DMD: variants seen among roughly 807,000 people sequenced by gnomAD.
The protein encoded by DMD is mutant dystrophin.
Under a neutral mutation model 330.1 loss-of-function variants are expected in DMD, and 63 were observed. The ratio of observed to expected loss-of-function variants is 0.19; its 90% CI spans 0.16 to 0.24. The LOEUF (loss-of-function observed/expected upper bound fraction) is 0.24. DMD is among the 10% of genes least tolerant of loss of function. The probability of loss-of-function intolerance (pLI) is 1.00; values close to 1 mark genes in which losing one functional copy is unlikely to be tolerated. For missense variants in DMD, 3,344 were observed against 2,684.1 expected (o/e 1.25, Z -5.43); for synonymous variants, 1,223 against 959.8 (o/e 1.27, Z -5.07).
At chrX:32,520,267 C>A (rs935424874) in intron 17 of DMD, among the ~76,000 whole-genome samples, 1 of 111,990 alleles carries the variant, frequency 8.9e-6, no homozygotes, top group South Asian at 3.7e-4. Context: ...CTGTAAAAAT[C>A]TTTCACACTC....
At chrX:33,066,480 A>AG (rs1270365106) in intron 1 of DMD, among the ~76,000 whole-genome samples, 20 of 80,005 alleles carry the variant, frequency 2.5e-4, no homozygotes, top group African/African-American at 1.2e-3. Flanking sequence ...AAGGAAGGAA[A>AG]AAGAAAAGAA....
chrX:33,314,439 G>A (rs1454926878), intron 1 of DMD, among the ~76,000 whole-genome samples: 1 of 107,875 alleles, frequency 9.3e-6, no homozygotes, highest in Non-Finnish European at 1.9e-5. Context: ...TGTATTTTTA[G>A]TAGAGATGGG....
chrX:32,961,588 T>A (rs767816590), intron 2 of DMD, among the ~76,000 whole-genome samples: 40 of 111,684 alleles, frequency 3.6e-4, no homozygotes, highest in Non-Finnish European at 6.8e-4. Context: ...GTTTTTTCAA[T>A]CACCTGTATA....
At chrX:31,138,686 A>AGGGAGAGAGAGGGAGAGAGAGTGT (rs3082164) in intron 76 of DMD, among the ~76,000 whole-genome samples, 3 of 87,470 alleles carry the variant, frequency 3.4e-5, no homozygotes, top group East Asian at 3.9e-4. Context: ...AGAGAGAGAG[A>AGGGAGAGAGAGGGAGAGAGAGTGT]GAAGGGGGAA....
intron 45 of DMD, among the ~76,000 whole-genome samples, chrX:31,955,527 C>T (rs1411363599): frequency 1.8e-5 from 2 of 111,976 alleles, no homozygotes; most frequent in Admixed American, 1.9e-4. Context: ...AAGAATGCTG[C>T]CATGCTTTGC....
At chrX:31,762,086 G>GGTT (rs2089638651) in intron 51 of DMD, among the ~76,000 whole-genome samples, 1 of 112,421 alleles carries the variant, frequency 8.9e-6, no homozygotes, top group South Asian at 3.6e-4. Context: ...ATGGTCACGT[G>GGTT]ACACATTTCT....
chrX:32,885,838 A>AAC (rs1252469395), intron 2 of DMD, among the ~76,000 whole-genome samples: 7 of 108,403 alleles, frequency 6.5e-5, no homozygotes, highest in Non-Finnish European at 1.2e-4. Context: ...AAAAAAAAAA[A>AAC]AAAAAAAAAA....
chrX:32,722,676 TA>T (rs376429069), intron 7 of DMD, among the ~76,000 whole-genome samples: 94 of 111,497 alleles, frequency 8.4e-4, no homozygotes, highest in African/African-American at 2.9e-3. Context: ...CTTTCTTCTT[TA>T]AATTGGGTCT....
intron 34 of DMD, among the ~76,000 whole-genome samples, chrX:32,368,602 A>G (rs1268547526): frequency 1.8e-5 from 2 of 112,007 alleles, no homozygotes; most frequent in African/African-American, 6.5e-5. Flanking sequence ...CTGCATCTTC[A>G]GATGTATGGA....
intron 29 of DMD, among the ~76,000 whole-genome samples, chrX:32,425,424 C>A (rs1311509105): frequency 9.0e-6 from 1 of 111,174 alleles, no homozygotes; most frequent in Non-Finnish European, 1.9e-5. Context: ...TCTTGTAAGA[C>A]TTTGCTCTTA....
chrX:32,230,502 C>T (rs1042962226), intron 43 of DMD, among the ~76,000 whole-genome samples: 3 of 112,103 alleles, frequency 2.7e-5, no homozygotes, highest in Admixed American at 9.5e-5. Context: ...GCCTCGGCCT[C>T]CCAAAGTGCT....
chrX:33,019,572 A>G (rs1448359138), intron 2 of DMD, among the ~76,000 whole-genome samples: 1 of 111,653 alleles, frequency 9.0e-6, no homozygotes, highest in Non-Finnish European at 1.9e-5. Context: ...GTGTCCACCT[A>G]TAATCATCTA....
chrX:32,549,293 A>T (rs1046076066), intron 16 of DMD, among the ~76,000 whole-genome samples: 2 of 111,564 alleles, frequency 1.8e-5, no homozygotes, highest in Non-Finnish European at 3.8e-5. Context: ...TTAAAGTAAG[A>T]GTAACACATT....
At chrX:31,222,879 C>A (rs1228413892) in intron 64 of DMD, among the ~76,000 whole-genome samples, 168 bp downstream of exon 64, 1 of 112,022 alleles carries the variant, frequency 8.9e-6, no homozygotes, top group Non-Finnish European at 1.9e-5. Context: ...TAAAACAAAA[C>A]ATTCTAGGCA....
At chrX:32,523,651 TC>T (rs887217371) in intron 17 of DMD, among the ~76,000 whole-genome samples, 1 of 112,024 alleles carries the variant, frequency 8.9e-6, no homozygotes, top group Non-Finnish European at 1.9e-5. Flanking sequence ...AAAACAGTTT[TC>T]CTTTGGGTCA....
rs190543672 is a variant in DMD at position 31,339,151 on chromosome X, G to T, written c.9163+9405C>A. ...AAATTCCCATAGCAGAAACAAAAAC[G>T]TTCTGTTTCCTCATGTGTTCAAATT... On this transcript the variant is annotated intron_variant, in intron 61 of 78. Coordinates refer to ENST00000357033, the MANE Select transcript of DMD (RefSeq NM_004006.3). 2.5e-3 allele frequency among the ~76,000 whole-genome samples: 281 copies of T among 110,794 alleles called. 1 individual carries two copies. Among genetic ancestry groups the T allele is most frequent in the African/African-American group, 8.9e-3 (272 of 30,481 alleles).
intron 47 of DMD, among the ~76,000 whole-genome samples, chrX:31,913,739 CA>C (rs1556996828): frequency 2.5e-5 from 2 of 79,811 alleles, no homozygotes; most frequent in Non-Finnish European, 4.3e-5. Context: ...AAAACAAAAA[CA>C]AAACAAAACA....
chrX:31,383,292 C>T (rs746647590), intron 60 of DMD, among the ~76,000 whole-genome samples: 1 of 111,614 alleles, frequency 9.0e-6, no homozygotes, highest in Non-Finnish European at 1.9e-5. Flanking sequence ...GGACTCAGCT[C>T]GCCTGCGCCC....
chrX:31,408,264 G>C (rs758086679), intron 60 of DMD, among the ~76,000 whole-genome samples: 1 of 112,182 alleles, frequency 8.9e-6, no homozygotes, highest in Admixed American at 9.4e-5. Context: ...CTGGCATCAC[G>C]CTCATGTTAT....
Sources: gnomAD v4.1 joint callset for allele counts (sites outside exome capture counted in the v4.1 genomes callset) on GRCh38, gnomAD v4.1.1 for gene constraint, MANE v1.5 for transcripts, NCBI Gene and HGNC (gene_info 2026-07-23, HGNC 2026-07-21) for gene names.